DNAI7: variants seen among roughly 807,000 people sequenced by gnomAD.
DNAI7 encodes cancer susceptibility 1.
A neutral mutation model predicts 86.6 loss-of-function variants in DNAI7; 78 were observed. The observed-to-expected ratio is 0.90, with a 90% CI of 0.75 to 1.09. The LOEUF is 1.09. Among genes scored for constraint, DNAI7 ranks in the 50% least tolerant of loss-of-function variants. The pLI, the probability that DNAI7 is intolerant of heterozygous loss-of-function variation, is 0.00. For missense variants in DNAI7, 753 were observed against 810.2 expected, an observed-to-expected ratio of 0.93 and a Z score of 0.86; for synonymous variants, 274 against 273.0, an observed-to-expected ratio of 1.00 and a Z score of -0.04.
chr12:25,184,363 C>T (rs1480741952), intron 2 of DNAI7, among the ~76,000 whole-genome samples: 2 of 151,868 alleles, frequency 1.3e-5, no homozygotes, highest in African/African-American at 4.8e-5. Flanking sequence ...CTTCATATAA[C>T]TGTAATCATG....
At position 25,111,797 on chromosome 12, in the gene DNAI7, TGA is replaced by T. The variant is rs1031161091; in HGVS notation, c.1752_1753del (p.His585PhefsTer8). 4 of 1,589,130 alleles carry T rather than the reference TGA, an allele frequency of 2.5e-6. No homozygotes were observed. The highest frequency in any genetic ancestry group is 3.7e-5 in the Admixed American group (2 of 54,480). ...CTTATTGTTTATAATAACATAAAAATGAGAGTGTCTAGTAGGAAAGATATTCA... is the reference window on the plus strand; with the variant it reads ...CTTATTGTTTATAATAACATAAAAATGAGTGTCTAGTAGGAAAGATATTCA... On this transcript the variant is annotated frameshift_variant, in exon 14 of 16. Transcript: ENST00000395987. LOFTEE classifies it high-confidence loss of function.
At chr12:25,122,552 T>C (rs965811383) in intron 10 of DNAI7, among the ~76,000 whole-genome samples, 3 of 151,542 alleles carry the variant, frequency 2.0e-5, no homozygotes, top group African/African-American at 7.3e-5. Context: ...AGAAAATAGA[T>C]TCCTAGAAGT....
intron 6 of DNAI7, among the ~76,000 whole-genome samples, chr12:25,153,486 C>T (rs1945804652): frequency 6.6e-6 from 1 of 152,136 alleles, no homozygotes; most frequent in South Asian, 2.1e-4. Context: ...TTCTTATTCA[C>T]TAAGCTAAAG....
chr12:25,127,436 T>C (rs920883729), intron 9 of DNAI7, among the ~76,000 whole-genome samples: 2 of 152,172 alleles, frequency 1.3e-5, no homozygotes, highest in African/African-American at 2.4e-5. Context: ...TTTCCAAGTA[T>C]TTTTTTCTTC....
chr12:25,142,083 C>T (rs976325786), intron 9 of DNAI7, among the ~76,000 whole-genome samples: 3 of 152,128 alleles, frequency 2.0e-5, no homozygotes, highest in Non-Finnish European at 4.4e-5. Flanking sequence ...ATTGCAAAAA[C>T]ATGGAACCAG....
At position 25,119,159 on chromosome 12, in the gene DNAI7, C is replaced by T; in HGVS notation, c.1382G>A (p.Arg461Lys). The T allele has an allele frequency of 1.2e-6, 2 of 1,604,054 alleles. No individual in the cohort carries two copies. Among genetic ancestry groups the T allele is most frequent in the East Asian group, 2.2e-5 (1 of 44,782 alleles). The change falls in exon 12 of 16, where the codon AGG (arginine) becomes AAG (lysine). Residue 461 changes from arginine to lysine, a missense_variant. By Grantham distance (26) the Arg-to-Lys change is conservative (BLOSUM62 2). Coordinates refer to ENST00000395987, the MANE Select transcript of DNAI7 (RefSeq NM_018272.5). ...AAAAGCTGTACCTTCAGCATCCCAC[C>T]TTACAACCACAGGATCCTCAAAAAA... ...VIFFEDPVVV[R>K]WDAEGKHWRT...
At chr12:25,150,779 T>C (rs1360129391) in intron 6 of DNAI7, among the ~76,000 whole-genome samples, 1 of 152,040 alleles carries the variant, frequency 6.6e-6, no homozygotes, top group Non-Finnish European at 1.5e-5. Flanking sequence ...ATTAGCAAGT[T>C]AATAAACGAG....
chr12:25,116,249 A>C (rs7978490), intron 12 of DNAI7, among the ~76,000 whole-genome samples: 151,912 of 152,192 alleles, frequency 1, 75,818 homozygotes, highest in Non-Finnish European at 1. Context: ...ATAATAAATA[A>C]AATTACATTC....
intron 9 of DNAI7, among the ~76,000 whole-genome samples, chr12:25,126,935 G>C (rs1038309658): frequency 6.6e-6 from 1 of 152,190 alleles, no homozygotes; most frequent in Non-Finnish European, 1.5e-5. Flanking sequence ...TTTCTCAACA[G>C]AACTTTTCCC....
intron 11 of DNAI7, among the ~76,000 whole-genome samples, chr12:25,119,523 T>C (rs6487458): frequency 0.17 from 25,986 of 152,194 alleles, 2,327 homozygotes; most frequent in Middle Eastern, 0.23. Flanking sequence ...CCAGATTGTG[T>C]GGTGGGGCTT....
chr12:25,134,352 CTTTTTTTTTTT>C (rs5797119), intron 9 of DNAI7, among the ~76,000 whole-genome samples: 2 of 91,178 alleles, frequency 2.2e-5, no homozygotes, highest in African/African-American at 4.2e-5. Context: ...CCTTGGCGTA[CTTTTTTTTTTT>C]TTTTTTTTTT....
At chr12:25,154,169 AGAAAAT>A in intron 6 of DNAI7, 144 bp downstream of exon 6, 2 of 604,966 alleles carry the variant, frequency 3.3e-6, no homozygotes, top group East Asian at 3.3e-5. Flanking sequence ...AAAAGAAAAA[AGAAAAT>A]GAAAAGATTA....
chr12:25,144,388 G>C lies in DNAI7; in HGVS notation c.979C>G (p.Gln327Glu), dbSNP rs1296126039. 1 of 1,613,486 alleles carries C rather than the reference G, an allele frequency of 6.2e-7. No homozygotes were observed. Among genetic ancestry groups the C allele is most frequent in the African/African-American group, 1.3e-5 (1 of 74,850 alleles). ...ACCATTTTCACTTCAATATCACCTT[G>C]TTCCTCCTCAACTTTTATTTCTTCC... Reference protein sequence around the residue: ...QEEEIKVEEEQGDIEVKMSSA... With the variant: ...QEEEIKVEEEEGDIEVKMSSA... The change falls in exon 9 of 16, where the codon CAA (glutamine) becomes GAA (glutamate). Residue 327 changes from glutamine (Q) to glutamate (E), a missense_variant. By Grantham distance (29) the Gln-to-Glu change is conservative. Coordinates refer to ENST00000395987, the MANE Select transcript of DNAI7 (RefSeq NM_018272.5).
chr12:25,143,356 A>G (rs1297389688), intron 9 of DNAI7, among the ~76,000 whole-genome samples: 1 of 150,180 alleles, frequency 6.7e-6, no homozygotes, highest in Non-Finnish European at 1.5e-5. Context: ...TGAAGCAATT[A>G]TCTTGTCTCA....
At chr12:25,126,699 G>A (rs561598708) in intron 9 of DNAI7, among the ~76,000 whole-genome samples, 1 of 152,290 alleles carries the variant, frequency 6.6e-6, no homozygotes, top group Admixed American at 6.5e-5. Context: ...GTGGAATGTT[G>A]AATTTGAGGT....
chr12:25,148,095 G>A (rs1166913685), intron 7 of DNAI7, among the ~76,000 whole-genome samples: 1 of 152,184 alleles, frequency 6.6e-6, no homozygotes, highest in African/African-American at 2.4e-5. Context: ...TTTTTTAAGT[G>A]TGATTATTCC....
intron 9 of DNAI7, among the ~76,000 whole-genome samples, chr12:25,131,597 T>G (rs762618419): frequency 1.3e-5 from 2 of 152,116 alleles, no homozygotes; most frequent in Non-Finnish European, 2.9e-5. Context: ...GAATCCCCAG[T>G]AACCAGCTTG....
intron 1 of DNAI7, among the ~76,000 whole-genome samples, chr12:25,194,509 CAT>C (rs1408859416): frequency 3.3e-5 from 5 of 152,210 alleles, no homozygotes; most frequent in Non-Finnish European, 7.3e-5. Context: ...GAGATACTCT[CAT>C]AGCTACATGT....
chr12:25,121,969 G>T, intron 10 of DNAI7, 56 bp from the exon 11 acceptor site: 1 of 1,253,046 alleles, frequency 8.0e-7, no homozygotes, highest in Non-Finnish European at 1.1e-6. Flanking sequence ...TATGTTCTTA[G>T]GAAAGAAATT....
Sources: gnomAD v4.1 joint callset for allele counts (sites outside exome capture counted in the v4.1 genomes callset) on GRCh38, gnomAD v4.1.1 for gene constraint, MANE v1.5 for transcripts, NCBI Gene and HGNC (gene_info 2026-07-23, HGNC 2026-07-21) for gene names.